The following SYT16 variants were observed in gnomAD, a reference collection of about 807,000 sequenced individuals.
SYT16 encodes synaptotagmin 16, also known as synaptotagmin-16.
SYT16 carries 42 observed loss-of-function variants against 61.4 expected under a neutral mutation model. The ratio of observed to expected loss-of-function variants is 0.68; its 90% CI spans 0.53 to 0.89. The LOEUF is 0.89. Ranked by LOEUF, SYT16 falls within the 40% of genes least tolerant of loss-of-function variation. The probability of loss-of-function intolerance (pLI) is 0.00; values close to 1 mark genes in which losing one functional copy is unlikely to be tolerated. For synonymous variants in SYT16, 314 were observed against 302.3 expected (o/e 1.04, Z -0.40); for missense variants, 804 against 807.3 (o/e 1.00, Z 0.05).
chr14:61,866,798 T>C (rs1449973786), intron 1 of SYT16, among the ~76,000 whole-genome samples: 1 of 152,108 alleles, frequency 6.6e-6, no homozygotes, highest in Non-Finnish European at 1.5e-5. Context: ...TTATATTTAG[T>C]GCCTTCTGTG....
chr14:62,095,787 C>A (rs2057254942), intron 7 of SYT16, among the ~76,000 whole-genome samples: 1 of 151,766 alleles, frequency 6.6e-6, no homozygotes, highest in Admixed American at 6.6e-5. Flanking sequence ...CAGAGCTTGG[C>A]AAACTCATTC....
intron 3 of SYT16, among the ~76,000 whole-genome samples, chr14:62,017,723 GT>G (rs796667323): frequency 0.018 from 2,605 of 141,220 alleles, 18 homozygotes; most frequent in South Asian, 0.025. Context: ...TCAGTGTGTG[GT>G]TTTTTTTTTT....
chr14:62,094,989 C>T (rs1403860573), intron 7 of SYT16, among the ~76,000 whole-genome samples: 6 of 152,158 alleles, frequency 3.9e-5, no homozygotes, highest in Admixed American at 3.9e-4. Flanking sequence ...GGGGCTCTCT[C>T]TCCTTCCACT....
chr14:61,956,070 A>C (rs1408239976), intron 1 of SYT16, among the ~76,000 whole-genome samples: 2 of 151,830 alleles, frequency 1.3e-5, no homozygotes, highest in African/African-American at 2.4e-5. Flanking sequence ...AGTGATTTTG[A>C]GTACCTGTTG....
chr14:61,949,905 AC>A (rs916138254), intron 1 of SYT16, among the ~76,000 whole-genome samples: 1 of 152,176 alleles, frequency 6.6e-6, no homozygotes, highest in African/African-American at 2.4e-5. Context: ...GCTTTGTTTC[AC>A]AAGACTTTGT....
chr14:61,837,347 C>T (rs564082775), intron 1 of SYT16, among the ~76,000 whole-genome samples: 1 of 151,690 alleles, frequency 6.6e-6, no homozygotes, highest in South Asian at 2.1e-4. Context: ...AGTGATCCTC[C>T]CACCTCAGCC....
At chr14:62,086,628 T>G (rs1486309272) in intron 7 of SYT16, among the ~76,000 whole-genome samples, 1 of 152,238 alleles carries the variant, frequency 6.6e-6, no homozygotes, top group Non-Finnish European at 1.5e-5. Flanking sequence ...AAAACTGTGA[T>G]GTTGAGGATG....
intron 1 of SYT16, among the ~76,000 whole-genome samples, chr14:61,918,328 C>T (rs754518433): frequency 5.9e-5 from 9 of 152,140 alleles, no homozygotes; most frequent in Non-Finnish European, 1.2e-4. Flanking sequence ...GGAACCAAAG[C>T]ATCCCCCCAG....
chr14:62,024,600 T>C (rs1043608610), intron 3 of SYT16, among the ~76,000 whole-genome samples: 4 of 152,080 alleles, frequency 2.6e-5, no homozygotes, highest in Admixed American at 2.0e-4. Flanking sequence ...GAGTGGTAGA[T>C]TTATTACAAT....
Position 62,101,865 on chromosome 14 carries a change from C to T in SYT16, c.*1158C>T, listed in dbSNP as rs939417339. On this transcript the variant is annotated 3_prime_UTR_variant, in exon 8 of 8. Transcript: ENST00000683842. ...TATTAGTCACTACTTGCAATCTGGG[C>T]ATGTGCCATTCAGAATACTGATCTT... The T allele has an allele frequency of 3.3e-5, 5 of 152,184 alleles. No individual in the cohort carries two copies. The highest frequency in any genetic ancestry group is 5.9e-5 in the Non-Finnish European group (4 of 68,030). The allele number at this position is 152,184 out of a possible 1,614,324, so 9.4% of individuals were successfully genotyped here. A position where few individuals can be genotyped will look rare whatever the true frequency, so the allele number is the denominator to read the frequency against.
intron 1 of SYT16, among the ~76,000 whole-genome samples, chr14:61,877,224 T>G (rs1349213791): frequency 6.6e-6 from 1 of 152,102 alleles, no homozygotes; most frequent in Non-Finnish European, 1.5e-5. Flanking sequence ...TACTCCGCCT[T>G]TTGTCTGAAT....
At chr14:61,850,220 T>C (rs6573403) in intron 1 of SYT16, among the ~76,000 whole-genome samples, 70,795 of 151,178 alleles carry the variant, frequency 0.47, 17,197 homozygotes, top group African/African-American at 0.6. Context: ...CTGCAACCTC[T>C]GCCTCCTGGG....
Position 61,875,255 on chromosome 14 carries a change from T to C in SYT16, c.-325+62445T>C, listed in dbSNP as rs1197518141. The stretch of plus-strand genomic sequence containing the variant: ...TCTTGATCCTTGGGGAATATTCTTA[T>C]ACAAAAAGGGCTGTGTCAACCTGTA... On this transcript the variant is annotated intron_variant, in intron 1 of 7. Transcript: ENST00000683842. 2.0e-5 allele frequency among the ~76,000 whole-genome samples: 3 copies of C among 152,214 alleles called. No homozygotes were observed. The East Asian group carries it at 5.8e-4, about 29-fold the overall frequency.
chr14:61,870,633 C>A (rs2047303009), intron 1 of SYT16, among the ~76,000 whole-genome samples: 1 of 151,986 alleles, frequency 6.6e-6, no homozygotes, highest in Non-Finnish European at 1.5e-5. Context: ...TTTTGAGTTT[C>A]TTTTCTTAAA....
At chr14:61,967,080 G>A (rs77837139) in intron 1 of SYT16, among the ~76,000 whole-genome samples, 6,380 of 152,280 alleles carry the variant, frequency 0.042, 163 homozygotes, top group African/African-American at 0.072. Flanking sequence ...GCTTTGTCTA[G>A]AAGAACAAGA....
intron 1 of SYT16, among the ~76,000 whole-genome samples, chr14:61,890,928 A>G (rs1566656608): frequency 8.5e-5 from 13 of 152,180 alleles, no homozygotes. Flanking sequence ...TTGAATAAAT[A>G]TGAAATATTC....
At position 61,849,563 on chromosome 14, in the gene SYT16, G is replaced by A. The variant is rs149989826; in HGVS notation, c.-325+36753G>A. 6.7e-4 allele frequency among the ~76,000 whole-genome samples: 102 copies of A among 152,286 alleles called. 1 individual carries two copies. In the East Asian group the frequency reaches 0.017, roughly 25 times the overall value. On this transcript the variant is annotated intron_variant, in intron 1 of 7. Coordinates refer to ENST00000683842, the MANE Select transcript of SYT16 (RefSeq NM_001367656.1). ...AATGCTCCATCCATGGGCACTGGCT[G>A]AGTTCTGTCTGGTGTTGCTTTCTGC...
At chr14:62,046,493 A>G (rs1377159602) in intron 3 of SYT16, among the ~76,000 whole-genome samples, 6 of 152,110 alleles carry the variant, frequency 3.9e-5, no homozygotes, top group South Asian at 2.1e-4. Flanking sequence ...TTTTGTTGCC[A>G]TTGCTTTTGG....
chr14:61,836,347 A>G (rs2046129363), intron 1 of SYT16, among the ~76,000 whole-genome samples: 2 of 152,224 alleles, frequency 1.3e-5, no homozygotes, highest in South Asian at 2.1e-4. Context: ...GGCAAAGGAA[A>G]AGGAATCCAT....
Sources: allele counts gnomAD v4.1 joint callset (sites outside exome capture counted in the v4.1 genomes callset), GRCh38; gene constraint gnomAD v4.1.1; transcripts MANE v1.5; gene names NCBI Gene and HGNC (gene_info 2026-07-23, HGNC 2026-07-21).